Variants in GLIS3 observed in about 807,000 individuals in gnomAD.
GLIS3 encodes GLIS family zinc finger 3.
In GLIS3, 53 loss-of-function variants were observed where a neutral mutation model predicts 78.6. The observed-to-expected ratio is 0.67, with a 90% confidence interval of 0.54 to 0.85. GLIS3 has a LOEUF of 0.85. Ranked by LOEUF, GLIS3 falls within the 40% of genes least tolerant of loss-of-function variation. GLIS3 has a pLI of 0.00. For missense variants in GLIS3, 1,703 were observed against 1,231.1 expected (o/e 1.38, Z -5.74); for synonymous variants, 684 against 509.9 (o/e 1.34, Z -4.60).
At chr9:4,061,926 T>C (rs535167902) in intron 4 of GLIS3, among the ~76,000 whole-genome samples, 1 of 152,214 alleles carries the variant, frequency 6.6e-6, no homozygotes, top group Non-Finnish European at 1.5e-5. Flanking sequence ...GCCTAGGAGA[T>C]CTGAGCTTCT....
At position 3,824,783 on chromosome 9, in the gene GLIS3, G is replaced by A. The variant is rs1418768750; in HGVS notation, c.*3489C>T. On this transcript the variant is annotated 3_prime_UTR_variant, in exon 11 of 11. Transcript: ENST00000381971. ...GAGTCTGTGTGATTTATGGAAAACA[G>A]ATTTCCACTTTTTTCCCCCAAAGTG... is the stretch of plus-strand genomic sequence containing the variant. 6.6e-6 allele frequency: 1 copy of A among 152,374 alleles called. No homozygotes were observed. The highest frequency in any genetic ancestry group is 6.6e-5 in the Admixed American group (1 of 15,254). 9.4% of individuals were successfully genotyped at this position (152,374 alleles called of 1,614,324 possible).
chr9:4,051,381 G>C (rs1415609077), intron 4 of GLIS3, among the ~76,000 whole-genome samples: 1 of 152,208 alleles, frequency 6.6e-6, no homozygotes, highest in Non-Finnish European at 1.5e-5. Flanking sequence ...ATTCTGGACT[G>C]CTGGAGATTG....
At chr9:4,249,033 C>G (rs555921225) in intron 2 of GLIS3, among the ~76,000 whole-genome samples, 1 of 152,222 alleles carries the variant, frequency 6.6e-6, no homozygotes, top group African/African-American at 2.4e-5. Context: ...TTACTATACC[C>G]TTGTAGTATA....
chr9:4,397,320 C>G, the GLIS3 span, among the ~76,000 whole-genome samples: 60 of 151,666 alleles, frequency 4.0e-4, 1 homozygote, highest in African/African-American at 1.4e-3. Context: ...CCACCACACC[C>G]TGCCGTCAAT....
the GLIS3 span, among the ~76,000 whole-genome samples, chr9:4,365,468 A>G: frequency 6.6e-6 from 1 of 152,050 alleles, no homozygotes; most frequent in African/African-American, 2.4e-5. Flanking sequence ...AGGCAGGAGA[A>G]TCGCTTGAAC....
At chr9:4,068,748 C>T (rs1161292689) in intron 4 of GLIS3, among the ~76,000 whole-genome samples, 1 of 151,900 alleles carries the variant, frequency 6.6e-6, no homozygotes, top group African/African-American at 2.4e-5. Flanking sequence ...GTGAAAACCT[C>T]GAAAAAGAGC....
chr9:4,169,819 G>A lies in GLIS3; in HGVS notation c.389-43878C>T, dbSNP rs937231277. Among the ~76,000 whole-genome samples, 11 of 151,990 alleles carry A rather than the reference G, an allele frequency of 7.2e-5. 1 individual carries two copies. Among genetic ancestry groups the A allele is most frequent in the East Asian group, 1.9e-4 (1 of 5,190 alleles). On this transcript the variant is annotated intron_variant, in intron 2 of 10. Transcript: ENST00000381971. ...CTGGGTAAAGAGTATAGGAGAATTCGGTACATTGTTCTTGCAGTTTTTTTT... is the reference window on the plus strand; with the variant it reads ...CTGGGTAAAGAGTATAGGAGAATTCAGTACATTGTTCTTGCAGTTTTTTTT...
chr9:4,347,030 A>G (rs1259777780), intron 2 of GLIS3: 1 of 152,180 alleles, frequency 6.6e-6, no homozygotes, highest in East Asian at 1.9e-4. Context: ...TGCTATAAAG[A>G]AATATCTAAG....
intron 4 of GLIS3, among the ~76,000 whole-genome samples, chr9:4,059,071 A>T (rs371049201): frequency 6.6e-6 from 1 of 152,124 alleles, no homozygotes; most frequent in African/African-American, 2.4e-5. Flanking sequence ...TGAGTCATCT[A>T]ATCTATAGTT....
chr9:4,168,426 G>A (rs1816067730), intron 2 of GLIS3, among the ~76,000 whole-genome samples: 1 of 152,140 alleles, frequency 6.6e-6, no homozygotes, highest in Admixed American at 6.5e-5. Flanking sequence ...ACATCTGAAT[G>A]GTTCTGTGTA....
chr9:4,019,817 C>T (rs999895563), intron 4 of GLIS3, among the ~76,000 whole-genome samples: 2 of 152,162 alleles, frequency 1.3e-5, no homozygotes, highest in African/African-American at 2.4e-5. Context: ...ACTGTAACCT[C>T]GAAATCCTGG....
intron 2 of GLIS3, among the ~76,000 whole-genome samples, chr9:4,317,573 G>A (rs1817460278): frequency 6.6e-6 from 1 of 152,192 alleles, no homozygotes; most frequent in Non-Finnish European, 1.5e-5. Flanking sequence ...AAACATTTTA[G>A]ATTACGTATT....
chr9:4,068,116 C>T (rs572065898), intron 4 of GLIS3, among the ~76,000 whole-genome samples: 40 of 152,082 alleles, frequency 2.6e-4, no homozygotes, highest in African/African-American at 9.4e-4. Flanking sequence ...TATAAAAGGG[C>T]TGGTAGTAAG....
intron 6 of GLIS3, among the ~76,000 whole-genome samples, chr9:3,928,968 A>C (rs380985): frequency 0.95 from 144,395 of 152,278 alleles, 68,912 homozygotes; most frequent in East Asian, 1. Flanking sequence ...TATGGCACTT[A>C]CAAGGTGAAA....
chr9:4,025,723 G>C (rs1823280368), intron 4 of GLIS3, among the ~76,000 whole-genome samples: 1 of 152,130 alleles, frequency 6.6e-6, no homozygotes, highest in African/African-American at 2.4e-5. Context: ...AATTAATCAT[G>C]AGTCTCACAT....
intron 2 of GLIS3, among the ~76,000 whole-genome samples, chr9:4,181,495 G>C (rs887584842): frequency 6.6e-6 from 1 of 152,152 alleles, no homozygotes; most frequent in Non-Finnish European, 1.5e-5. Flanking sequence ...CACTATAGTG[G>C]ACATCTGTCC....
intron 2 of GLIS3, among the ~76,000 whole-genome samples, chr9:4,155,769 C>A (rs1352430514): frequency 1.3e-5 from 2 of 152,072 alleles, no homozygotes; most frequent in East Asian, 3.9e-4. Flanking sequence ...GATTGCTAGG[C>A]CCATCCCAGA....
the GLIS3 span, among the ~76,000 whole-genome samples, chr9:4,483,565 A>T: frequency 6.6e-6 from 1 of 151,878 alleles, no homozygotes; most frequent in Non-Finnish European, 1.5e-5. Flanking sequence ...TAAAAATTCA[A>T]AAAAATTAGC....
At chr9:3,919,434 G>A (rs1270691923) in intron 6 of GLIS3, among the ~76,000 whole-genome samples, 1 of 152,098 alleles carries the variant, frequency 6.6e-6, no homozygotes, top group Admixed American at 6.5e-5. Flanking sequence ...GTGAGAACAT[G>A]AGAACACATG....
Sources: allele counts gnomAD v4.1 joint callset (sites outside exome capture counted in the v4.1 genomes callset), GRCh38; gene constraint gnomAD v4.1.1; transcripts MANE v1.5; gene names NCBI Gene and HGNC (gene_info 2026-07-23, HGNC 2026-07-21).